Variants in MSRA observed in about 807,000 individuals in gnomAD.
MSRA encodes the protein methionine sulfoxide reductase A, also known as mitochondrial peptide methionine sulfoxide reductase.
In MSRA, 54 loss-of-function variants were observed where a neutral mutation model predicts 31.3. That is an observed-to-expected ratio of 1.73 (90% confidence interval 1.39 to 2.17). The LOEUF is 2.17. Ranked by LOEUF, MSRA falls within the 30% of genes most tolerant of loss-of-function variation. MSRA has a pLI of 0.00. For missense variants in MSRA, 507 were observed against 300.9 expected (o/e 1.69, Z -5.07); for synonymous variants, 169 against 116.5 (o/e 1.45, Z -2.90).
intron 1 of MSRA, among the ~76,000 whole-genome samples, chr8:10,106,602 C>T (rs770983252): frequency 6.6e-6 from 1 of 152,158 alleles, no homozygotes; most frequent in Non-Finnish European, 1.5e-5. Context: ...GAAATAGAGG[C>T]CCAGAGAAGT....
At chr8:10,144,861 G>A (rs772846070) in intron 1 of MSRA, among the ~76,000 whole-genome samples, 1 of 152,034 alleles carries the variant, frequency 6.6e-6, no homozygotes, top group African/African-American at 2.4e-5. Flanking sequence ...TCTGTGCCTT[G>A]ATTGCTTAAG....
intron 1 of MSRA, among the ~76,000 whole-genome samples, chr8:10,075,071 GT>G (rs1797937082): frequency 6.6e-6 from 1 of 152,060 alleles, no homozygotes; most frequent in South Asian, 2.1e-4. Context: ...TACTCATTTG[GT>G]ATGCATTCAT....
At chr8:10,358,944 T>G (rs991259267) in intron 5 of MSRA, among the ~76,000 whole-genome samples, 20 of 152,160 alleles carry the variant, frequency 1.3e-4, no homozygotes, top group African/African-American at 4.1e-4. Context: ...GGATCTAGGT[T>G]GTACACTCCT....
intron 1 of MSRA, among the ~76,000 whole-genome samples, chr8:10,150,697 A>T (rs971253655): frequency 1.3e-5 from 2 of 152,128 alleles, no homozygotes; most frequent in African/African-American, 4.8e-5. Context: ...TTTGACTTAT[A>T]TGAAAACAGC....
chr8:10,173,260 C>T (rs1196224968), intron 1 of MSRA, among the ~76,000 whole-genome samples: 1 of 152,232 alleles, frequency 6.6e-6, no homozygotes, highest in African/African-American at 2.4e-5. Context: ...CTCTCCGTGT[C>T]TGCCTGCAGC....
chr8:10,354,750 G>GTGTATA (rs371336632), intron 5 of MSRA, among the ~76,000 whole-genome samples: 1,725 of 138,278 alleles, frequency 0.012, 15 homozygotes, highest in African/African-American at 0.02. Context: ...GTGTGTGTGT[G>GTGTATA]TATATATATA....
At chr8:10,058,977 T>C (rs1448672045) in intron 1 of MSRA, 1 of 152,208 alleles carries the variant, frequency 6.6e-6, no homozygotes, top group Non-Finnish European at 1.5e-5. Flanking sequence ...CTTTGAATGA[T>C]AGATTATTAT....
At chr8:10,180,310 A>T (rs1489335727) in intron 1 of MSRA, among the ~76,000 whole-genome samples, 1 of 152,226 alleles carries the variant, frequency 6.6e-6, no homozygotes, top group African/African-American at 2.4e-5. Context: ...TAGGTCAGGT[A>T]TGTGGAAGGG....
chr8:10,150,186 C>T (rs1187762272), intron 1 of MSRA, among the ~76,000 whole-genome samples: 6 of 151,946 alleles, frequency 3.9e-5, no homozygotes, highest in Admixed American at 3.9e-4. Flanking sequence ...CTCGTGGCTT[C>T]TAGGATGTCC....
At chr8:10,154,956 T>C (rs1433227057) in intron 1 of MSRA, among the ~76,000 whole-genome samples, 3 of 148,680 alleles carry the variant, frequency 2.0e-5, no homozygotes, top group Non-Finnish European at 4.4e-5. Context: ...ACAGTAAAAT[T>C]TAATGGGAAA....
chr8:10,094,573 G>A (rs941121909), intron 1 of MSRA, among the ~76,000 whole-genome samples: 8 of 152,208 alleles, frequency 5.3e-5, no homozygotes, highest in African/African-American at 9.6e-5. Flanking sequence ...GAGACCTTGA[G>A]TTATCTAAAT....
At position 10,279,789 on chromosome 8, in the gene MSRA, C is replaced by T. The variant is rs770986710; in HGVS notation, c.332-21745C>T. On this transcript the variant is annotated intron_variant, in intron 3 of 5. Transcript: ENST00000317173. ...TGAGTCCTGTGCTATGTTTAGCATCCATTATGCCATCACTGACTTCATATA... is the reference window on the plus strand; with the variant it reads ...TGAGTCCTGTGCTATGTTTAGCATCTATTATGCCATCACTGACTTCATATA... Among the ~76,000 whole-genome samples, 104 of 152,270 alleles carry T rather than the reference C, an allele frequency of 6.8e-4. 2 individuals are homozygous for T. The highest frequency in any genetic ancestry group is 3.4e-3 in the Middle Eastern group (1 of 294).
chr8:10,155,000 T>TATATATATATATATATATATATA (rs1554468796), intron 1 of MSRA, among the ~76,000 whole-genome samples: 8 of 98,378 alleles, frequency 8.1e-5, no homozygotes, highest in Non-Finnish European at 1.2e-4. Flanking sequence ...TGTGTATATA[T>TATATATATATATATATATATATA]TTTATATATA....
chr8:10,278,004 C>A (rs571524895), intron 3 of MSRA, among the ~76,000 whole-genome samples: 1 of 152,150 alleles, frequency 6.6e-6, no homozygotes, highest in Non-Finnish European at 1.5e-5. Flanking sequence ...AAACCTCTTT[C>A]CATTTTTTCC....
chr8:10,285,221 C>T lies in MSRA; in HGVS notation c.332-16313C>T, dbSNP rs149665128. Among the ~76,000 whole-genome samples, 70 of 152,272 alleles carry T rather than the reference C, an allele frequency of 4.6e-4. 1 individual carries two copies. In the East Asian group the frequency reaches 7.7e-3, roughly 17 times the overall value. ...CCACCAATTCTGCATCCGCCTTCTCCGAGCCCTTGACAGCCACCCTTCCCA... is the reference window on the plus strand; with the variant it reads ...CCACCAATTCTGCATCCGCCTTCTCTGAGCCCTTGACAGCCACCCTTCCCA... On this transcript the variant is annotated intron_variant, in intron 3 of 5. Transcript: ENST00000317173.
Position 10,382,704 on chromosome 8 carries a change from C to T in MSRA, c.544-45444C>T, listed in dbSNP as rs545541926. Among the ~76,000 whole-genome samples the T allele has an allele frequency of 9.6e-4, 146 of 152,222 alleles. 1 individual carries two copies. Among genetic ancestry groups the T allele is most frequent in the Non-Finnish European group, 1.7e-3 (117 of 68,018 alleles). ...CAGAGTTAGCAGAGGACAAAGGACT[C>T]GAATGGGCTAAAGGTCATTCAGGGG... On this transcript the variant is annotated intron_variant, in intron 5 of 5. Coordinates refer to ENST00000317173, the MANE Select transcript of MSRA (RefSeq NM_012331.5).
At chr8:10,293,403 C>T (rs1410674424) in intron 3 of MSRA, among the ~76,000 whole-genome samples, 1 of 152,242 alleles carries the variant, frequency 6.6e-6, no homozygotes, top group Non-Finnish European at 1.5e-5. Flanking sequence ...GCCGTGACCG[C>T]TTCCTCCGTG....
Position 10,353,536 on chromosome 8 carries a change from G to A in MSRA, c.543+33547G>A, listed in dbSNP as rs912774899. On this transcript the variant is annotated intron_variant, in intron 5 of 5. Transcript: ENST00000317173. Reference sequence around the variant, plus strand: ...TAGCAGTTGGTCCCCTGCAGAGCACGACACCTGACGTTTCTGTAACGAGAT... The same window carrying A: ...TAGCAGTTGGTCCCCTGCAGAGCACAACACCTGACGTTTCTGTAACGAGAT... 43 of 451,078 alleles carry A rather than the reference G, an allele frequency of 9.5e-5. 2 individuals are homozygous for A. Among genetic ancestry groups the A allele is most frequent in the South Asian group, 5.4e-4 (34 of 63,528 alleles). 27.9% of individuals were successfully genotyped at this position (451,078 alleles called of 1,614,324 possible).
chr8:10,257,501 G>C (rs190952992), intron 3 of MSRA, among the ~76,000 whole-genome samples: 2 of 152,238 alleles, frequency 1.3e-5, no homozygotes, highest in East Asian at 3.9e-4. Flanking sequence ...CCGCCTCCCT[G>C]GCTCAAGCGA....
Sources: allele counts gnomAD v4.1 joint callset (sites outside exome capture counted in the v4.1 genomes callset), GRCh38; gene constraint gnomAD v4.1.1; transcripts MANE v1.5; gene names NCBI Gene and HGNC (gene_info 2026-07-23, HGNC 2026-07-21).